The following TRAPPC8 variants were observed in gnomAD, a reference collection of about 807,000 sequenced individuals.
The protein encoded by TRAPPC8 is trafficking protein particle complex subunit 8.
In TRAPPC8, 54 loss-of-function variants were observed where a neutral mutation model predicts 174.3. The observed-to-expected ratio is 0.31, with a 90% CI of 0.25 to 0.39. The LOEUF (loss-of-function observed/expected upper bound fraction) is 0.39, where lower values mean the gene tolerates loss of function less well. TRAPPC8 is among the 10% of genes least tolerant of loss of function. The probability of loss-of-function intolerance (pLI) is 1.00; values close to 1 mark genes in which losing one functional copy is unlikely to be tolerated. For synonymous variants in TRAPPC8, 630 were observed against 579.9 expected (o/e 1.09, Z -1.24); for missense variants, 1,531 against 1,699.1 (o/e 0.90, Z 1.74).
In TRAPPC8 at chr18:31,870,356, C is replaced by A. The variant is rs1296065788; in HGVS notation, c.2388+16G>T. 2 of 1,596,490 alleles carry A rather than the reference C, an allele frequency of 1.3e-6. No individual in the cohort carries two copies. Among genetic ancestry groups the A allele is most frequent in the East Asian group, 2.2e-5 (1 of 44,538 alleles). ...TGTAGCTGAAACATAATTACAAATA[C>A]CTTTTAATAACTTACTAGTTGTTTA... is the stretch of plus-strand genomic sequence containing the variant. On this transcript the variant is annotated intron_variant, in intron 16 of 28. Coordinates refer to ENST00000283351, the MANE Select transcript of TRAPPC8 (RefSeq NM_014939.5).
In TRAPPC8 at chr18:31,878,376, A is replaced by G. The variant is rs116245238; in HGVS notation, c.1729-3672T>C. Among the ~76,000 whole-genome samples the G allele has an allele frequency of 8.9e-3, 1,356 of 152,328 alleles. 20 individuals carry two copies. The highest frequency in any genetic ancestry group is 0.03 in the African/African-American group (1,248 of 41,558). On this transcript the variant is annotated intron_variant, in intron 12 of 28. Coordinates refer to ENST00000283351, the MANE Select transcript of TRAPPC8 (RefSeq NM_014939.5). The stretch of plus-strand genomic sequence containing the variant: ...AAATAAAAACAAAAACAAAAAAACT[A>G]CTAGCCAAGAATTTTACAGCCTGCC...
chr18:31,865,720 T>C (rs2034554315), intron 18 of TRAPPC8, among the ~76,000 whole-genome samples: 1 of 151,666 alleles, frequency 6.6e-6, no homozygotes, highest in Admixed American at 6.6e-5. Flanking sequence ...TACATACAAG[T>C]GGGAAAAGAA....
At chr18:31,926,931 C>T (rs1479264080) in intron 2 of TRAPPC8, among the ~76,000 whole-genome samples, 1 of 151,926 alleles carries the variant, frequency 6.6e-6, no homozygotes, top group Non-Finnish European at 1.5e-5. Flanking sequence ...ATAAATAAAA[C>T]TTATTTAAAT....
chr18:31,849,187 AT>A (rs1400146912), intron 25 of TRAPPC8, among the ~76,000 whole-genome samples: 2 of 152,158 alleles, frequency 1.3e-5, no homozygotes, highest in Admixed American at 6.5e-5. Flanking sequence ...AGGTAAATGG[AT>A]TATATGAAAT....
At chr18:31,918,353 C>T (rs75041695) in intron 2 of TRAPPC8, among the ~76,000 whole-genome samples, 13,428 of 152,132 alleles carry the variant, frequency 0.088, 843 homozygotes, top group East Asian at 0.33. Context: ...AACTCAAGTT[C>T]TGTGACCCTG....
intron 12 of TRAPPC8, among the ~76,000 whole-genome samples, chr18:31,878,445 C>A (rs892716410): frequency 1.3e-5 from 2 of 152,010 alleles, no homozygotes; most frequent in Non-Finnish European, 2.9e-5. Flanking sequence ...ATTTCTCAGA[C>A]AAGAAAATGC....
At chr18:31,838,765 ATAG>A (rs2032919905) in intron 27 of TRAPPC8, among the ~76,000 whole-genome samples, 1 of 152,106 alleles carries the variant, frequency 6.6e-6, no homozygotes, top group African/African-American at 2.4e-5. Flanking sequence ...AACCTTTGAG[ATAG>A]TTTCTTTTTA....
Position 31,870,450 on chromosome 18 carries a change from C to T in TRAPPC8, c.2310G>A (p.Leu770=). 6.2e-7 allele frequency: 1 copy of T among 1,612,246 alleles called. No homozygotes were observed. The highest frequency in any genetic ancestry group is 1.1e-5 in the South Asian group (1 of 90,882). The part of the protein sequence containing the change: ...AFRNPLKVLL[L]LTDLSLLWKF... ...TCCAAAGCAATGACAAATCAGTCAA[C>T]AAAAGTAGAACTTTCAAAGGGTTTC... is the stretch of plus-strand genomic sequence containing the variant. Residue 770 remains leucine, a synonymous_variant, in exon 16 of 29, where the codon TTG becomes TTA. Transcript: ENST00000283351.
intron 21 of TRAPPC8, among the ~76,000 whole-genome samples, chr18:31,855,150 A>AGCT (rs757446442): frequency 2.7e-4 from 41 of 152,094 alleles, no homozygotes; most frequent in Admixed American, 5.9e-4. Context: ...TACAGTGAGC[A>AGCT]ACCTGGGTGA....
Position 31,864,004 on chromosome 18 carries a change from TATTA to T in TRAPPC8, c.2745+619_2745+622del, listed in dbSNP as rs1480405543. ...TATTATAGAACATATTATAATACTTTATTATAATATGTTATTATAATATGTTCTA... is the reference window on the plus strand; with the variant it reads ...TATTATAGAACATATTATAATACTTTTAATATGTTATTATAATATGTTCTA... On this transcript the variant is annotated intron_variant, in intron 19 of 28. Transcript: ENST00000283351. Among the ~76,000 whole-genome samples the T allele has an allele frequency of 1.9e-3, 288 of 148,140 alleles. 1 individual carries two copies. Among genetic ancestry groups the T allele is most frequent in the Non-Finnish European group, 3.3e-3 (219 of 67,228 alleles).
In TRAPPC8 at chr18:31,916,227, A is replaced by C. The variant is rs367847457; in HGVS notation, c.617+45T>G. The C allele has an allele frequency of 1.6e-5, 22 of 1,362,038 alleles. No homozygotes were observed. In the African/African-American group the frequency reaches 3.1e-4, roughly 19 times the overall value. 84.4% of individuals were successfully genotyped at this position (1,362,038 alleles called of 1,614,324 possible). A position where few individuals can be genotyped will look rare whatever the true frequency, so the allele number is the denominator to read the frequency against. Reference sequence around the variant, plus strand: ...AACAAGCTATCTCCAAATTAATGTTAAATCATTTAACTGGAAAAAATTTAA... The same window carrying C: ...AACAAGCTATCTCCAAATTAATGTTCAATCATTTAACTGGAAAAAATTTAA... On this transcript the variant is annotated intron_variant, in intron 4 of 28. Coordinates refer to ENST00000283351, the MANE Select transcript of TRAPPC8 (RefSeq NM_014939.5).
At chr18:31,868,917 A>G (rs1353268075) in intron 16 of TRAPPC8, among the ~76,000 whole-genome samples, 4 of 152,032 alleles carry the variant, frequency 2.6e-5, no homozygotes, top group Non-Finnish European at 5.9e-5. Flanking sequence ...TGCCTAGGCT[A>G]GAGCAAGACT....
chr18:31,871,344 C>T (rs961138223), intron 14 of TRAPPC8, among the ~76,000 whole-genome samples: 2 of 151,980 alleles, frequency 1.3e-5, no homozygotes, highest in Non-Finnish European at 2.9e-5. Flanking sequence ...AATGTATTTT[C>T]CCTCGTGTCC....
intron 14 of TRAPPC8, among the ~76,000 whole-genome samples, chr18:31,872,847 A>G (rs2034941390): frequency 6.6e-6 from 1 of 152,146 alleles, no homozygotes; most frequent in Admixed American, 6.5e-5. Context: ...AGATTATATA[A>G]TAACAAAAGC....
intron 2 of TRAPPC8, among the ~76,000 whole-genome samples, chr18:31,919,353 T>C (rs2145557715): frequency 1.3e-5 from 2 of 151,882 alleles, no homozygotes; most frequent in East Asian, 3.9e-4. Context: ...GCCAACATGG[T>C]GAAACCCCAT....
chr18:31,923,626 TTC>T (rs2037481030), intron 2 of TRAPPC8, among the ~76,000 whole-genome samples: 1 of 152,184 alleles, frequency 6.6e-6, no homozygotes, highest in South Asian at 2.1e-4. Flanking sequence ...AAGAGTATTA[TTC>T]TGTTTAATGA....
In TRAPPC8 at chr18:31,870,419, G is replaced by T. The variant is rs1379612304; in HGVS notation, c.2341C>A (p.His781Asn). ...LTDLSLLWKFHPKDFSGKDNE... is the reference protein window; with the variant it reads ...LTDLSLLWKFNPKDFSGKDNE... ...TCCTTTCCACTGAAATCTTTAGGAT[G>T]AAACTTCCAAAGCAATGACAAATCA... The change falls in exon 16 of 29, where the codon CAT (histidine) becomes AAT (asparagine). Residue 781 changes from histidine (H) to asparagine (N), a missense_variant. Physicochemically the swap from His to Asn is moderately conservative, Grantham distance 68 (BLOSUM62 1). Coordinates refer to ENST00000283351, the MANE Select transcript of TRAPPC8 (RefSeq NM_014939.5). The T allele has an allele frequency of 6.2e-7, 1 of 1,612,674 alleles. No individual in the cohort carries two copies.
intron 19 of TRAPPC8, among the ~76,000 whole-genome samples, chr18:31,858,644 C>T (rs2034160038): frequency 6.6e-6 from 1 of 152,136 alleles, no homozygotes; most frequent in Non-Finnish European, 1.5e-5. Context: ...TACATAACTT[C>T]ACACACACAC....
chr18:31,943,013 G>T lies in TRAPPC8; in HGVS notation c.-249C>A. Reference sequence around the variant, plus strand: ...TCCCCGCGTGCTCGCATTCCACCCCGATAGGTGGAGACGCCGACAGTCACC... The same window carrying T: ...TCCCCGCGTGCTCGCATTCCACCCCTATAGGTGGAGACGCCGACAGTCACC... On this transcript the variant is annotated 5_prime_UTR_variant, in exon 1 of 29. Transcript: ENST00000283351. 1.5e-6 allele frequency: 1 copy of T among 670,268 alleles called. No individual in the cohort carries two copies. Among genetic ancestry groups the T allele is most frequent in the Non-Finnish European group, 2.1e-6 (1 of 472,990 alleles). The allele number at this position is 670,268 out of a possible 1,614,324, so 41.5% of individuals were successfully genotyped here.
Sources: gnomAD v4.1 joint callset for allele counts (sites outside exome capture counted in the v4.1 genomes callset) on GRCh38, gnomAD v4.1.1 for gene constraint, MANE v1.5 for transcripts, NCBI Gene and HGNC (gene_info 2026-07-23, HGNC 2026-07-21) for gene names.